Variants in UBE2QL1 observed in about 807,000 individuals in gnomAD.
UBE2QL1 encodes ubiquitin-conjugating enzyme E2Q-like protein 1.
A neutral mutation model predicts 12.6 loss-of-function variants in UBE2QL1; 5 were observed. That is an observed-to-expected ratio of 0.40 (90% CI 0.21 to 0.83). The LOEUF is 0.83. Ranked by LOEUF, UBE2QL1 falls within the 40% of genes least tolerant of loss-of-function variation. The probability of loss-of-function intolerance (pLI) is 0.37; values close to 1 mark genes in which losing one functional copy is unlikely to be tolerated. For missense variants in UBE2QL1, 99 were observed against 222.6 expected, an observed-to-expected ratio of 0.44 and a Z score of 3.53; for synonymous variants, 96 against 94.5, an observed-to-expected ratio of 1.02 and a Z score of -0.10.
At chr5:6,486,805 A>G (rs1454674891) in intron 1 of UBE2QL1, among the ~76,000 whole-genome samples, 3 of 152,174 alleles carry the variant, frequency 2.0e-5, no homozygotes, top group Non-Finnish European at 4.4e-5. Flanking sequence ...GGGACGTTTA[A>G]CAATGTCTGG....
In UBE2QL1 at chr5:6,491,564, A is replaced by C; in HGVS notation, c.*215A>C. 1 of 511,258 alleles carries C rather than the reference A, an allele frequency of 2.0e-6. No individual in the cohort carries two copies. Among genetic ancestry groups the C allele is most frequent in the Non-Finnish European group, 3.1e-6 (1 of 323,500 alleles). The allele number at this position is 511,258 out of a possible 1,614,324, so 31.7% of individuals were successfully genotyped here. On this transcript the variant is annotated 3_prime_UTR_variant, in exon 2 of 2. Coordinates refer to ENST00000399816, the MANE Select transcript of UBE2QL1 (RefSeq NM_001145161.3). ...CGGATTATGTTTCGATTATAAATGAATGATCACCTCGAAGTCACTTTAGAA... is the reference window on the plus strand; with the variant it reads ...CGGATTATGTTTCGATTATAAATGACTGATCACCTCGAAGTCACTTTAGAA...
Position 6,483,599 on chromosome 5 carries a change from C to T in UBE2QL1, c.355-7619C>T, listed in dbSNP as rs118104198. 3.5e-4 allele frequency among the ~76,000 whole-genome samples: 53 copies of T among 152,332 alleles called. 1 individual carries two copies. In the East Asian group the frequency reaches 8.5e-3, roughly 24 times the overall value. ...GGACTCTGCTCGCCTCTCCTGGACA[C>T]GCACAGCCCTTCCGTCCCAGTTCCA... On this transcript the variant is annotated intron_variant, in intron 1 of 1. Transcript: ENST00000399816.
chr5:6,480,796 C>G (rs1734343576), intron 1 of UBE2QL1, among the ~76,000 whole-genome samples: 1 of 152,114 alleles, frequency 6.6e-6, no homozygotes, highest in Non-Finnish European at 1.5e-5. Flanking sequence ...ATGAGTATCA[C>G]CAAAGTATAC....
At position 6,479,034 on chromosome 5, in the gene UBE2QL1, G is replaced by T. The variant is rs1734305078; in HGVS notation, c.355-12184G>T. Among the ~76,000 whole-genome samples, 1 of 152,126 alleles carries T rather than the reference G, an allele frequency of 6.6e-6. No homozygotes were observed. The highest frequency in any genetic ancestry group is 1.5e-5 in the Non-Finnish European group (1 of 68,020). On this transcript the variant is annotated intron_variant, in intron 1 of 1. Transcript: ENST00000399816. The surrounding 1 kb of genome is among the most constrained non-coding windows in gnomAD (Gnocchi z 4.2). ...CCTGGGGGCGTCCCTTCTATCGTGT[G>T]CAGCATCAGGAGTCTGTTGGATCCC...
chr5:6,451,368 G>A (rs1018644765), intron 1 of UBE2QL1, among the ~76,000 whole-genome samples: 2 of 152,080 alleles, frequency 1.3e-5, no homozygotes, highest in African/African-American at 4.8e-5. Flanking sequence ...TATAGCAATG[G>A]GCAATATATA....
At chr5:6,460,126 T>C (rs141910400) in intron 1 of UBE2QL1, among the ~76,000 whole-genome samples, 392 of 152,288 alleles carry the variant, frequency 2.6e-3, no homozygotes, top group African/African-American at 9.0e-3. Flanking sequence ...GCTGGAGATC[T>C]GCAGGCAGAG....
At chr5:6,458,647 T>C (rs1739585206) in intron 1 of UBE2QL1, among the ~76,000 whole-genome samples, 1 of 152,210 alleles carries the variant, frequency 6.6e-6, no homozygotes, top group African/African-American at 2.4e-5. Context: ...CTATACCAAG[T>C]AAAGATCAAT....
At chr5:6,460,645 T>C (rs1382514184) in intron 1 of UBE2QL1, among the ~76,000 whole-genome samples, 4 of 152,216 alleles carry the variant, frequency 2.6e-5, no homozygotes, top group African/African-American at 9.7e-5. Context: ...CCAGCACAGA[T>C]TGATATCTGG....
intron 1 of UBE2QL1, among the ~76,000 whole-genome samples, chr5:6,453,246 A>T (rs181625004): frequency 6.6e-6 from 1 of 152,358 alleles, no homozygotes. Flanking sequence ...TTATACAGCC[A>T]CATGCTCTCA....
Position 6,495,358 on chromosome 5 carries a change from G to A in UBE2QL1, c.*4009G>A, listed in dbSNP as rs1734648394. ...GGAATTTGCTTTCTAAAGGGGCAGA[G>A]CTTACTTCCTGACTGTAGTGAGGGT... On this transcript the variant is annotated 3_prime_UTR_variant, in exon 2 of 2. Transcript: ENST00000399816. Among the ~76,000 whole-genome samples, 1 of 152,180 alleles carries A rather than the reference G, an allele frequency of 6.6e-6. No homozygotes were observed. Among genetic ancestry groups the A allele is most frequent in the African/African-American group, 2.4e-5 (1 of 41,444 alleles).
intron 1 of UBE2QL1, among the ~76,000 whole-genome samples, chr5:6,451,452 A>T (rs1256394467): frequency 6.6e-6 from 1 of 152,210 alleles, no homozygotes; most frequent in Non-Finnish European, 1.5e-5. Context: ...ACAGTTTGCA[A>T]GTGAGAGATT....
chr5:6,459,865 G>A (rs1166029716), intron 1 of UBE2QL1, among the ~76,000 whole-genome samples: 1 of 152,178 alleles, frequency 6.6e-6, no homozygotes, highest in African/African-American at 2.4e-5. Flanking sequence ...ATTATAGGAA[G>A]TGCTGAATTG....
chr5:6,459,588 AG>A (rs1560928717), intron 1 of UBE2QL1, among the ~76,000 whole-genome samples: 1 of 152,248 alleles, frequency 6.6e-6, no homozygotes, highest in Non-Finnish European at 1.5e-5. Context: ...AGGATTTCAA[AG>A]GAAGCCAATT....
chr5:6,449,283 C>G (rs780633102), intron 1 of UBE2QL1, 36 bp downstream of exon 1: 3 of 1,350,226 alleles, frequency 2.2e-6, no homozygotes, highest in Non-Finnish European at 1.9e-6. Flanking sequence ...GGCGCGGGGC[C>G]GAGATCGGGT....
intron 1 of UBE2QL1, among the ~76,000 whole-genome samples, chr5:6,465,706 C>T (rs190893161): frequency 2.0e-5 from 3 of 152,248 alleles, no homozygotes; most frequent in African/African-American, 4.8e-5. Context: ...AAGAGCCCTC[C>T]GGGATGACCC....
In UBE2QL1 at chr5:6,458,451, T is replaced by C. The variant is rs372613773; in HGVS notation, c.354+9204T>C. Among the ~76,000 whole-genome samples, 15 of 152,230 alleles carry C rather than the reference T, an allele frequency of 9.9e-5. No homozygotes were observed. The East Asian group carries it at 2.3e-3, about 23-fold the overall frequency. ...TCAGAATATGGAGTTACAGAACTTA[T>C]TACATTTTGGTTCTAATAAAAAGCT... On this transcript the variant is annotated intron_variant, in intron 1 of 1. Transcript: ENST00000399816.
At chr5:6,464,990 C>CTT (rs763783935) in intron 1 of UBE2QL1, among the ~76,000 whole-genome samples, 3 of 142,558 alleles carry the variant, frequency 2.1e-5, no homozygotes, top group Non-Finnish European at 4.6e-5. Context: ...AGTTTTTATT[C>CTT]TTTTTTTTTT....
intron 1 of UBE2QL1, among the ~76,000 whole-genome samples, chr5:6,489,138 C>G (rs1403802583): frequency 6.6e-6 from 1 of 152,052 alleles, no homozygotes; most frequent in East Asian, 1.9e-4. Flanking sequence ...ACAGCGTTTT[C>G]AAAAAGGTGT....
intron 1 of UBE2QL1, among the ~76,000 whole-genome samples, chr5:6,461,540 A>ACCGCCCCCC (rs71606052): frequency 4.3e-5 from 2 of 46,764 alleles, no homozygotes; most frequent in African/African-American, 6.1e-5. Flanking sequence ...TTCAGCACCC[A>ACCGCCCCCC]CCACCCCCCC....
Sources: gnomAD v4.1 joint callset for allele counts (sites outside exome capture counted in the v4.1 genomes callset) on GRCh38, gnomAD v4.1.1 for gene constraint, Gnocchi (gnomAD v3.1) non-coding constraint, MANE v1.5 for transcripts, NCBI Gene and HGNC (gene_info 2026-07-23, HGNC 2026-07-21) for gene names.